Variants in STX6 observed in about 807,000 individuals in gnomAD.
STX6 encodes syntaxin 6.
Under a neutral mutation model 38.0 loss-of-function variants are expected in STX6, and 23 were observed. The ratio of observed to expected loss-of-function variants is 0.60; its 90% confidence interval spans 0.43 to 0.86. STX6 has a LOEUF of 0.86. Among genes scored for constraint, STX6 ranks in the 40% least tolerant of loss-of-function variants. The pLI is 0.00. For missense variants in STX6, 274 were observed against 312.9 expected (o/e 0.88, Z 0.94); for synonymous variants, 123 against 107.5 (o/e 1.14, Z -0.89).
chr1:181,018,388 C>CAAAAAAA (rs34962747), intron 1 of STX6, among the ~76,000 whole-genome samples: 27 of 43,036 alleles, frequency 6.3e-4, no homozygotes, highest in Middle Eastern at 0.062. Flanking sequence ...GACTCTGTCC[C>CAAAAAAA]AAAAAAAAAA....
chr1:181,000,051 T>C (rs528505252), intron 3 of STX6, among the ~76,000 whole-genome samples: 23 of 152,330 alleles, frequency 1.5e-4, no homozygotes, highest in Admixed American at 7.2e-4. Context: ...CTAGAATTTA[T>C]TACAATCAGA....
rs1437509092 is a variant in STX6, at chr1:180,973,963, C to T, written c.*2607G>A. 6.6e-6 allele frequency: 1 copy of T among 152,176 alleles called. No individual in the cohort carries two copies. Among genetic ancestry groups the T allele is most frequent in the East Asian group, 1.9e-4 (1 of 5,198 alleles). The allele number at this position is 152,176 out of a possible 1,614,324, so 9.4% of individuals were successfully genotyped here. On this transcript the variant is annotated 3_prime_UTR_variant, in exon 8 of 8. Coordinates refer to ENST00000258301, the MANE Select transcript of STX6 (RefSeq NM_005819.6). ...TAAAGGGGTAGGAAAGCCCCAAATA[C>T]TATAAAGATGCACTTATAAGCAGTG... is the stretch of plus-strand genomic sequence containing the variant.
At chr1:181,015,939 A>G (rs1409372788) in intron 1 of STX6, among the ~76,000 whole-genome samples, 1 of 152,216 alleles carries the variant, frequency 6.6e-6, no homozygotes, top group Non-Finnish European at 1.5e-5. Flanking sequence ...GATTACAGGC[A>G]TGAGCCATCG....
At chr1:181,016,381 C>G (rs1430148993) in intron 1 of STX6, among the ~76,000 whole-genome samples, 1 of 152,146 alleles carries the variant, frequency 6.6e-6, no homozygotes. Context: ...CATCTCAACT[C>G]TACTGCAAAA....
intron 1 of STX6, among the ~76,000 whole-genome samples, chr1:181,010,616 C>T (rs544110388): frequency 6.6e-6 from 1 of 152,072 alleles, no homozygotes; most frequent in African/African-American, 2.4e-5. Context: ...GAAGAATATT[C>T]TTAGGGGAAT....
intron 1 of STX6, among the ~76,000 whole-genome samples, chr1:181,022,350 G>C (rs1293958616): frequency 6.6e-6 from 1 of 152,158 alleles, no homozygotes; most frequent in African/African-American, 2.4e-5. Flanking sequence ...CCCACCTGCA[G>C]AGCTGCTGAG....
At chr1:180,983,134 G>A (rs1655462173) in intron 7 of STX6, among the ~76,000 whole-genome samples, 1 of 152,216 alleles carries the variant, frequency 6.6e-6, no homozygotes, top group South Asian at 2.1e-4. Context: ...ATTACCTGGA[G>A]AGGTAGGACT....
intron 4 of STX6, among the ~76,000 whole-genome samples, chr1:180,992,977 T>A (rs1655796164): frequency 6.6e-6 from 1 of 152,136 alleles, no homozygotes; most frequent in Non-Finnish European, 1.5e-5. Flanking sequence ...CTCCTCACTG[T>A]CAAAGGGCCT....
At chr1:180,996,795 ACTC>A (rs1280308266) in intron 3 of STX6, among the ~76,000 whole-genome samples, 2 of 151,642 alleles carry the variant, frequency 1.3e-5, no homozygotes, top group Non-Finnish European at 2.9e-5. Flanking sequence ...CTGGTCTTGA[ACTC>A]CTGAATTCAA....
intron 1 of STX6, among the ~76,000 whole-genome samples, chr1:181,021,659 A>G (rs1397507966): frequency 6.6e-6 from 1 of 152,242 alleles, no homozygotes; most frequent in African/African-American, 2.4e-5. Flanking sequence ...CAAGTTTCTA[A>G]TAAGAAACTA....
At chr1:180,997,760 G>T (rs967862076) in intron 3 of STX6, among the ~76,000 whole-genome samples, 1 of 152,140 alleles carries the variant, frequency 6.6e-6, no homozygotes, top group African/African-American at 2.4e-5. Flanking sequence ...CTGTGTCATT[G>T]TAAGACTATG....
chr1:181,008,063 C>T (rs898452937), intron 1 of STX6, among the ~76,000 whole-genome samples: 7 of 152,134 alleles, frequency 4.6e-5, no homozygotes, highest in African/African-American at 1.2e-4. Context: ...ATAGTCTTTT[C>T]GGACAATTGT....
intron 7 of STX6, among the ~76,000 whole-genome samples, chr1:180,979,484 A>T (rs1212116684): frequency 2.0e-5 from 3 of 152,240 alleles, no homozygotes; most frequent in Non-Finnish European, 4.4e-5. Context: ...ACAACTGGAC[A>T]TCCATGCCAA....
chr1:180,993,413 G>C lies in STX6; in HGVS notation c.313C>G (p.Gln105Glu), dbSNP rs1241540208. The change falls in exon 4 of 8, where the codon CAG becomes GAG. Residue 105 changes from glutamine to glutamate, a missense_variant. Coordinates refer to ENST00000258301, the MANE Select transcript of STX6 (RefSeq NM_005819.6). ...TRQVVRDMKD[Q>E]MSTSSVQALA... ...GCCTGCACAGATGAAGTTGACATCT[G>C]ATCTTTCATGTCCTAATGAGAAAGA... 3 of 1,592,360 alleles carry C rather than the reference G, an allele frequency of 1.9e-6. No homozygotes were observed. Among genetic ancestry groups the C allele is most frequent in the East Asian group, 4.5e-5 (2 of 44,752 alleles).
intron 1 of STX6, among the ~76,000 whole-genome samples, chr1:181,014,250 C>G (rs1373636824): frequency 6.6e-6 from 1 of 151,964 alleles, no homozygotes; most frequent in African/African-American, 2.4e-5. Context: ...AAAAATTAGC[C>G]GGGTGTGGTG....
intron 3 of STX6, among the ~76,000 whole-genome samples, chr1:181,000,200 A>G (rs1017152646): frequency 1.8e-4 from 28 of 152,258 alleles, no homozygotes; most frequent in Non-Finnish European, 2.2e-4. Flanking sequence ...AGTATGGTTT[A>G]GATCTCAACT....
rs1161497506 is a variant in STX6, at chr1:180,992,852, C to T, written c.363+511G>A. 2.6e-5 allele frequency among the ~76,000 whole-genome samples: 4 copies of T among 152,204 alleles called. No homozygotes were observed. In the East Asian group the frequency reaches 7.7e-4, roughly 29 times the overall value. ...GTTTAAGGTTCCTCTAATGTCTTTA[C>T]ATCAAATGTCAATCCTTAGATGTCT... On this transcript the variant is annotated intron_variant, in intron 4 of 7. Coordinates refer to ENST00000258301, the MANE Select transcript of STX6 (RefSeq NM_005819.6).
chr1:181,010,821 AAG>A (rs1656370086), intron 1 of STX6, among the ~76,000 whole-genome samples: 1 of 152,120 alleles, frequency 6.6e-6, no homozygotes, highest in African/African-American at 2.4e-5. Flanking sequence ...TTATCATGAA[AAG>A]AGTTTTGAGC....
chr1:180,976,313 C>G lies in STX6; in HGVS notation c.*257G>C. 1 of 454,920 alleles carries G rather than the reference C, an allele frequency of 2.2e-6. No individual in the cohort carries two copies. Among genetic ancestry groups the G allele is most frequent in the Non-Finnish European group, 4.1e-6 (1 of 246,584 alleles). 28.2% of individuals were successfully genotyped at this position (454,920 alleles called of 1,614,324 possible). ...GGCAAGGCAGCAGCTAGTTCTCCTC[C>G]GAACTGGACAGGCGGCATGGGGCTT... On this transcript the variant is annotated 3_prime_UTR_variant, in exon 8 of 8. Transcript: ENST00000258301.
Sources: gnomAD v4.1 joint callset for allele counts (sites outside exome capture counted in the v4.1 genomes callset) on GRCh38, gnomAD v4.1.1 for gene constraint, MANE v1.5 for transcripts, NCBI Gene and HGNC (gene_info 2026-07-23, HGNC 2026-07-21) for gene names.